SH3KBP1: variants seen among roughly 807,000 people sequenced by gnomAD.
SH3KBP1 encodes SH3 domain containing kinase binding protein 1.
In SH3KBP1, 8 loss-of-function variants were observed where a neutral mutation model predicts 50.1. The ratio of observed to expected loss-of-function variants is 0.16; its 90% confidence interval spans 0.09 to 0.29. The LOEUF (loss-of-function observed/expected upper bound fraction) is 0.29, where lower values mean the gene tolerates loss of function less well. Ranked by LOEUF, SH3KBP1 falls within the 10% of genes least tolerant of loss-of-function variation. The probability of loss-of-function intolerance (pLI) is 1.00; values close to 1 mark genes in which losing one functional copy is unlikely to be tolerated. For synonymous variants in SH3KBP1, 227 were observed against 218.6 expected, an observed-to-expected ratio of 1.04 and a Z score of -0.34; for missense variants, 377 against 535.2, an observed-to-expected ratio of 0.70 and a Z score of 2.92.
chrX:19,701,624 C>T (rs1265297099), intron 4 of SH3KBP1, among the ~76,000 whole-genome samples: 2 of 112,091 alleles, frequency 1.8e-5, no homozygotes, highest in Middle Eastern at 4.7e-3. Flanking sequence ...TTCTACAAAG[C>T]ATCTTCTTCA....
chrX:19,677,211 C>T (rs1424280965), intron 6 of SH3KBP1, among the ~76,000 whole-genome samples: 1 of 111,522 alleles, frequency 9.0e-6, no homozygotes, highest in Non-Finnish European at 1.9e-5. Context: ...ACTTACCTAT[C>T]CATGTGTAAT....
At chrX:19,843,558 C>G (rs1458465572) in intron 1 of SH3KBP1, among the ~76,000 whole-genome samples, 1 of 111,353 alleles carries the variant, frequency 9.0e-6, no homozygotes, top group Non-Finnish European at 1.9e-5. Flanking sequence ...ATCAACCCAA[C>G]AAGCAGGTAA....
chrX:19,744,961 C>T (rs930362305), intron 3 of SH3KBP1, among the ~76,000 whole-genome samples: 4 of 112,307 alleles, frequency 3.6e-5, no homozygotes, highest in South Asian at 3.6e-4. Flanking sequence ...GAGGCCTTGC[C>T]GCTGGTCAAC....
intron 2 of SH3KBP1, among the ~76,000 whole-genome samples, chrX:19,788,402 C>CCAG (rs2066429366): frequency 9.1e-6 from 1 of 110,092 alleles, no homozygotes; most frequent in Admixed American, 9.7e-5. Flanking sequence ...CCAAAGATCG[C>CCAG]CAGCAAACCA....
At chrX:19,797,115 GGA>G (rs1424565131) in intron 2 of SH3KBP1, among the ~76,000 whole-genome samples, 3 of 112,269 alleles carry the variant, frequency 2.7e-5, no homozygotes, top group African/African-American at 9.7e-5. Flanking sequence ...AATTCTGGTG[GGA>G]GAGACATCAA....
chrX:19,831,066 A>G (rs764767592), intron 2 of SH3KBP1, among the ~76,000 whole-genome samples: 4 of 112,074 alleles, frequency 3.6e-5, no homozygotes, highest in Non-Finnish European at 7.5e-5. Flanking sequence ...ACGAATCCCA[A>G]CACTCTGGAG....
intron 6 of SH3KBP1, among the ~76,000 whole-genome samples, chrX:19,653,763 T>TACACACAC (rs60424271): frequency 1.6e-4 from 13 of 80,262 alleles, no homozygotes; most frequent in East Asian, 1.3e-3. Context: ...TATGTCTAAA[T>TACACACAC]ACACACACAC....
intron 3 of SH3KBP1, among the ~76,000 whole-genome samples, chrX:19,728,037 A>C: frequency 8.9e-6 from 1 of 112,073 alleles, no homozygotes; most frequent in East Asian, 2.8e-4. Flanking sequence ...AGGAGAAGGA[A>C]CTGGCAGCTA....
intron 7 of SH3KBP1, among the ~76,000 whole-genome samples, chrX:19,635,072 C>T (rs147130773): frequency 0.012 from 1,379 of 111,371 alleles, 18 homozygotes; most frequent in African/African-American, 0.041. Flanking sequence ...TGACCAAACC[C>T]GGCAACCATT....
At chrX:19,750,451 A>T (rs1160329242) in intron 2 of SH3KBP1, among the ~76,000 whole-genome samples, 1 of 112,040 alleles carries the variant, frequency 8.9e-6, no homozygotes, top group Non-Finnish European at 1.9e-5. Context: ...TGGACACTCA[A>T]ACGTCTGTTG....
chrX:19,858,179 AAAAAATAAAAT>A (rs1373140909), intron 1 of SH3KBP1, among the ~76,000 whole-genome samples: 2 of 111,518 alleles, frequency 1.8e-5, no homozygotes, highest in Admixed American at 9.5e-5. Context: ...ACTCCATCTT[AAAAAATAAAAT>A]AAAAATAAAA....
At chrX:19,652,227 C>T (rs1412012223) in intron 6 of SH3KBP1, among the ~76,000 whole-genome samples, 1 of 111,492 alleles carries the variant, frequency 9.0e-6, no homozygotes, top group East Asian at 2.8e-4. Flanking sequence ...CTTCCGGGGC[C>T]TCGGTTGCCC....
chrX:19,835,380 T>C (rs143680765), intron 2 of SH3KBP1, among the ~76,000 whole-genome samples: 3,485 of 109,621 alleles, frequency 0.032, 117 homozygotes, highest in African/African-American at 0.098. Context: ...CTCAAGTGAC[T>C]CTCCTGCCTC....
chrX:19,735,598 C>T (rs1301260744), intron 3 of SH3KBP1, among the ~76,000 whole-genome samples: 1 of 109,279 alleles, frequency 9.2e-6, no homozygotes, highest in Non-Finnish European at 1.9e-5. Flanking sequence ...TGCTTAATTT[C>T]TATGTAATTG....
At chrX:19,634,635 C>G (rs769290175) in intron 7 of SH3KBP1, among the ~76,000 whole-genome samples, 2 of 111,344 alleles carry the variant, frequency 1.8e-5, no homozygotes, top group African/African-American at 3.3e-5. Context: ...GGAGGGGCCA[C>G]AAGGAGGAGG....
intron 2 of SH3KBP1, among the ~76,000 whole-genome samples, chrX:19,753,002 A>G (rs987750903): frequency 1.8e-5 from 2 of 111,481 alleles, no homozygotes; most frequent in Admixed American, 1.9e-4. Flanking sequence ...CTTGTTCTCC[A>G]CCTCAGCTGT....
intron 15 of SH3KBP1, among the ~76,000 whole-genome samples, chrX:19,544,618 CCA>C (rs756236330): frequency 9.8e-5 from 11 of 112,075 alleles, no homozygotes; most frequent in South Asian, 3.7e-4. Context: ...CTGTGACCCA[CCA>C]GTGCCTTTGC....
chrX:19,601,204 A>G (rs1291536646), intron 9 of SH3KBP1, among the ~76,000 whole-genome samples: 3 of 111,565 alleles, frequency 2.7e-5, no homozygotes, highest in Non-Finnish European at 5.6e-5. Flanking sequence ...TTCAAAGGAT[A>G]TATTAGCTAG....
intron 12 of SH3KBP1, chrX:19,588,312 C>T (rs2066630495): frequency 9.4e-7 from 1 of 1,059,339 alleles, no homozygotes; most frequent in Admixed American, 3.9e-5. Flanking sequence ...GGACACGCCA[C>T]CTGCATTTCC....
Sources: allele counts gnomAD v4.1 joint callset (sites outside exome capture counted in the v4.1 genomes callset), GRCh38; gene constraint gnomAD v4.1.1; transcripts MANE v1.5; gene names NCBI Gene and HGNC (gene_info 2026-07-23, HGNC 2026-07-21).